HMCN1: variants seen among roughly 807,000 people sequenced by gnomAD.
HMCN1 encodes the protein hemicentin-1.
In HMCN1, 321 loss-of-function variants were observed where a neutral mutation model predicts 625.9. That is an observed-to-expected ratio of 0.51 (90% CI 0.47 to 0.56). HMCN1 has a LOEUF of 0.56. Ranked by LOEUF, HMCN1 falls within the 20% of genes least tolerant of loss-of-function variation. The pLI is 0.00. For synonymous variants in HMCN1, 2,425 were observed against 2,417.6 expected (o/e 1.00, Z -0.09); for missense variants, 6,588 against 6,887.3 (o/e 0.96, Z 1.54).
intron 50 of HMCN1, among the ~76,000 whole-genome samples, chr1:186,069,407 G>A (rs1037836462): frequency 6.6e-6 from 1 of 152,124 alleles, no homozygotes; most frequent in African/African-American, 2.4e-5. Context: ...TAGCTAGAGT[G>A]GTATACAAAG....
intron 1 of HMCN1, among the ~76,000 whole-genome samples, chr1:185,766,107 C>T (rs16824458): frequency 0.042 from 6,355 of 152,124 alleles, 381 homozygotes; most frequent in African/African-American, 0.14. Context: ...GGAATATGTT[C>T]GCTTTAATGA....
chr1:185,971,082 G>A (rs1190703089), intron 15 of HMCN1, among the ~76,000 whole-genome samples: 2 of 152,192 alleles, frequency 1.3e-5, no homozygotes, highest in African/African-American at 4.8e-5. Flanking sequence ...GAGTTACAGA[G>A]TTAGGGAGGT....
intron 1 of HMCN1, among the ~76,000 whole-genome samples, chr1:185,789,509 C>T (rs924367278): frequency 9.2e-5 from 14 of 152,138 alleles, no homozygotes; most frequent in Admixed American, 3.9e-4. Flanking sequence ...TTGATCACTT[C>T]GTGACTTTGT....
At chr1:185,819,101 G>A (rs1660025115) in intron 1 of HMCN1, among the ~76,000 whole-genome samples, 1 of 151,948 alleles carries the variant, frequency 6.6e-6, no homozygotes, top group Non-Finnish European at 1.5e-5. Context: ...GCTGGGTGTG[G>A]TGGTGGGTGC....
chr1:185,891,318 G>A (rs1665065160), intron 4 of HMCN1, among the ~76,000 whole-genome samples: 1 of 143,504 alleles, frequency 7.0e-6, no homozygotes, highest in Admixed American at 6.7e-5. Context: ...TACATTTAAA[G>A]TTAATATTGT....
chr1:186,133,183 T>C (rs1233172758), intron 86 of HMCN1, among the ~76,000 whole-genome samples: 1 of 152,182 alleles, frequency 6.6e-6, no homozygotes, highest in Non-Finnish European at 1.5e-5. Flanking sequence ...CAAAAGATTA[T>C]AAATCATGCT....
At position 186,144,541 on chromosome 1, in the gene HMCN1, A is replaced by G. The variant is rs781091193; in HGVS notation, c.14104A>G (p.Lys4702Glu). The change falls in exon 91 of 107, where the codon AAG becomes GAG. Residue 4702 changes from lysine to glutamate, a missense_variant. Physicochemically the swap from Lys to Glu is moderately conservative, Grantham distance 56. Transcript: ENST00000271588. ...CNERNCPIHG[K>E]WATWASWSAC... Reference sequence around the variant, plus strand: ...TTTTTCCCTTATTCCAGTTCATGGCAAGTGGGCGACTTGGGCCAGTTGGAG... The same window carrying G: ...TTTTTCCCTTATTCCAGTTCATGGCGAGTGGGCGACTTGGGCCAGTTGGAG... 8.1e-6 allele frequency: 13 copies of G among 1,613,986 alleles called. No individual in the cohort carries two copies. Among genetic ancestry groups the G allele is most frequent in the Non-Finnish European group, 2.5e-6 (3 of 1,180,010 alleles).
chr1:186,127,553 C>G (rs567784102), intron 82 of HMCN1, among the ~76,000 whole-genome samples: 1 of 151,996 alleles, frequency 6.6e-6, no homozygotes, highest in Non-Finnish European at 1.5e-5. Flanking sequence ...AAGGTGGTTT[C>G]GCATAGAAAG....
chr1:185,952,079 C>T (rs919086896), intron 11 of HMCN1, among the ~76,000 whole-genome samples: 4 of 150,274 alleles, frequency 2.7e-5, no homozygotes, highest in South Asian at 2.1e-4. Flanking sequence ...TGCTGCCAAA[C>T]GAGCCATGAA....
chr1:185,933,672 A>T lies in HMCN1; in HGVS notation c.1676A>T (p.Asp559Val), dbSNP rs1401257533. The T allele has an allele frequency of 6.2e-7, 1 of 1,614,056 alleles. No homozygotes were observed. Among genetic ancestry groups the T allele is most frequent in the South Asian group, 1.1e-5 (1 of 91,086 alleles). The change falls in exon 11 of 107, where the codon GAT becomes GTT. Residue 559 changes from aspartate to valine, a missense_variant. By Grantham distance (152) the Asp-to-Val change is radical. This residue lies in a region of HMCN1 where 4,628 missense variants were observed against 4,853.1 expected (regional missense o/e 0.95). Coordinates refer to ENST00000271588, the MANE Select transcript of HMCN1 (RefSeq NM_031935.3). ...CTAACCTGGCAGAGGAATGACAGAGATGTCAGACTGGCAGAGCCAGCGAGA... is the reference window on the plus strand; with the variant it reads ...CTAACCTGGCAGAGGAATGACAGAGTTGTCAGACTGGCAGAGCCAGCGAGA... ...YNLTWQRNDR[D>V]VRLAEPARIR...
At chr1:185,765,041 G>A (rs1655781754) in intron 1 of HMCN1, among the ~76,000 whole-genome samples, 1 of 152,122 alleles carries the variant, frequency 6.6e-6, no homozygotes, top group African/African-American at 2.4e-5. Context: ...GTGATCTACT[G>A]TAAGGACAGT....
intron 1 of HMCN1, among the ~76,000 whole-genome samples, chr1:185,799,140 G>T (rs1658611120): frequency 6.6e-6 from 1 of 152,146 alleles, no homozygotes; most frequent in Non-Finnish European, 1.5e-5. Context: ...TAAGTTCCTT[G>T]GTTATAGATA....
chr1:186,168,796 G>C (rs544287084), intron 100 of HMCN1, among the ~76,000 whole-genome samples: 1 of 152,132 alleles, frequency 6.6e-6, no homozygotes, highest in Admixed American at 6.5e-5. Context: ...TAAGTCCTGG[G>C]ATACATGTAC....
chr1:185,799,928 A>G (rs1853247), intron 1 of HMCN1, among the ~76,000 whole-genome samples: 13,841 of 152,134 alleles, frequency 0.091, 2,033 homozygotes, highest in African/African-American at 0.31. Flanking sequence ...GGGTATCAGG[A>G]GCAAAACTGG....
chr1:186,095,432 A>G lies in HMCN1; in HGVS notation c.10484A>G (p.Lys3495Arg). Residue 3495 changes from lysine to arginine, a missense_variant, in exon 68 of 107, where the codon AAA (lysine) becomes AGA (arginine). Physicochemically the swap from Lys to Arg is conservative, Grantham distance 26. Coordinates refer to ENST00000271588, the MANE Select transcript of HMCN1 (RefSeq NM_031935.3). Reference protein sequence around the residue: ...STHGMVLQLLKAETEDSGKYT... With the variant: ...STHGMVLQLLRAETEDSGKYT... ...CATGGAATGGTCCTGCAGCTCCTCA[A>G]AGCAGAGACTGAAGATTCGGGAAAG... The G allele has an allele frequency of 6.2e-7, 1 of 1,613,708 alleles. No homozygotes were observed. The highest frequency in any genetic ancestry group is 8.5e-7 in the Non-Finnish European group (1 of 1,179,802).
intron 68 of HMCN1, among the ~76,000 whole-genome samples, chr1:186,096,610 C>G (rs930139509): frequency 6.6e-6 from 1 of 152,054 alleles, no homozygotes; most frequent in African/African-American, 2.4e-5. Context: ...AACTACAACC[C>G]AATATCCCTT....
At chr1:185,918,420 C>T (rs1002121564) in intron 6 of HMCN1, among the ~76,000 whole-genome samples, 7 of 152,168 alleles carry the variant, frequency 4.6e-5, no homozygotes, top group Non-Finnish European at 8.8e-5. Context: ...TTGTTCTAAC[C>T]GTGCTGGCAG....
rs1470009487 is a variant in HMCN1 at position 186,123,162 on chromosome 1, G to A, written c.12441G>A (p.Thr4147=). The A allele has an allele frequency of 6.8e-6, 11 of 1,613,960 alleles. No homozygotes were observed. Among genetic ancestry groups the A allele is most frequent in the South Asian group, 6.6e-5 (6 of 91,068 alleles). ...AGCCTGGTGATGCTGGCCATTACAC[G>A]TGCATGGCAGCCAATGTAGCAGGAT... ...FVQPGDAGHY[T]CMAANVAGSS... Residue 4147 remains threonine (T), a synonymous_variant, in exon 81 of 107, where the codon ACG becomes ACA. Transcript: ENST00000271588.
chr1:186,054,589 A>G (rs1405591844), intron 44 of HMCN1, among the ~76,000 whole-genome samples: 1 of 152,008 alleles, frequency 6.6e-6, no homozygotes, highest in East Asian at 1.9e-4. Flanking sequence ...TTTTGTTCCT[A>G]GAATCAGTGA....
Sources: gnomAD v4.1 joint callset for allele counts (sites outside exome capture counted in the v4.1 genomes callset) on GRCh38, gnomAD v4.1.1 for gene constraint, gnomAD v4.1.1 regional missense constraint, MANE v1.5 for transcripts, NCBI Gene and HGNC (gene_info 2026-07-23, HGNC 2026-07-21) for gene names.